ZNF442: variants seen among roughly 807,000 people sequenced by gnomAD.
ZNF442 encodes zinc finger protein 442.
A neutral mutation model predicts 57.0 loss-of-function variants in ZNF442; 45 were observed. The observed-to-expected ratio is 0.79, with a 90% CI of 0.62 to 1.01. ZNF442 has a LOEUF of 1.01. ZNF442 is among the 50% of genes least tolerant of loss of function. The probability of loss-of-function intolerance (pLI) is 0.00; values close to 1 mark genes in which losing one functional copy is unlikely to be tolerated. For synonymous variants in ZNF442, 213 were observed against 241.8 expected (o/e 0.88, Z 1.10); for missense variants, 690 against 756.5 (o/e 0.91, Z 1.03).
the ZNF442 span, chr19:12,373,647 T>C: frequency 3.3e-6 from 1 of 304,458 alleles, no homozygotes; most frequent in Non-Finnish European, 6.7e-6. Context: ...ACCAGCATGG[T>C]CTGATCCGGA....
upstream of ZNF442, among the ~76,000 whole-genome samples, chr19:12,369,001 A>C (rs1004192968): frequency 3.3e-5 from 5 of 152,236 alleles, no homozygotes; most frequent in Non-Finnish European, 7.3e-5. Flanking sequence ...CCAAGGCATT[A>C]GAATTTGAAA....
At chr19:12,359,239 CAACT>C (rs1354206551) in intron 3 of ZNF442, among the ~76,000 whole-genome samples, 12 of 152,160 alleles carry the variant, frequency 7.9e-5, no homozygotes, top group African/African-American at 2.4e-4. Context: ...CTGATTATAC[CAACT>C]GAGTGAATGC....
At position 12,364,914 on chromosome 19, in the gene ZNF442, G is replaced by A. The variant is rs967876436; in HGVS notation, c.-153C>T. The A allele has an allele frequency of 6.6e-6, 1 of 152,240 alleles. No individual in the cohort carries two copies. The highest frequency in any genetic ancestry group is 1.5e-5 in the Non-Finnish European group (1 of 68,098). The allele number at this position is 152,240 out of a possible 1,614,324, so 9.4% of individuals were successfully genotyped here. A position where few individuals can be genotyped will look rare whatever the true frequency, so the allele number is the denominator to read the frequency against. ...GATAAGATCTCGGAGAGCTGCTCGA[G>A]TTGCCCAAGTTCTTTCTCAGATCTT... On this transcript the variant is annotated 5_prime_UTR_variant, in exon 2 of 6. Transcript: ENST00000242804.
chr19:12,366,840 G>A (rs2144853289), upstream of ZNF442, among the ~76,000 whole-genome samples: 2 of 152,240 alleles, frequency 1.3e-5, no homozygotes, highest in South Asian at 4.2e-4. Context: ...TCACCATGTT[G>A]CCCAGGCTGG....
rs1032081069 is a variant in ZNF442, at chr19:12,356,636, A to AAAAAAAAAG, written c.79-3523_79-3522insCTTTTTTTT. Among the ~76,000 whole-genome samples the AAAAAAAAAG allele has an allele frequency of 8.4e-3, 1,268 of 151,688 alleles. 25 individuals are homozygous for AAAAAAAAAG. The highest frequency in any genetic ancestry group is 0.03 in the African/African-American group (1,210 of 41,008). On this transcript the variant is annotated intron_variant, in intron 3 of 5. Coordinates refer to ENST00000242804, the MANE Select transcript of ZNF442 (RefSeq NM_030824.3). Reference sequence around the variant, plus strand: ...GAGTGAAACTCCGTCTCAAAAAAAAAAGAGAGAGAGAGAAACAAGGCAAGG... The same window carrying AAAAAAAAAG: ...GAGTGAAACTCCGTCTCAAAAAAAAAAAAAAAAAGAGAGAGAGAGAGAAACAAGGCAAGG...
chr19:12,350,852 C>A lies in ZNF442; in HGVS notation c.733G>T (p.Ala245Ser), dbSNP rs1360608592. ...KPYECKQCCKAFPIYSSYLRH... is the reference protein window; with the variant it reads ...KPYECKQCCKSFPIYSSYLRH... ...AGATAGGAACTGTAAATAGGGAAGG[C>A]TTTACAACACTGCTTACATTCATAC... Residue 245 changes from alanine to serine, a missense_variant, in exon 6 of 6, where the codon GCC (alanine) becomes TCC (serine). Transcript: ENST00000242804. The A allele has an allele frequency of 6.2e-7, 1 of 1,613,906 alleles. No individual in the cohort carries two copies. The highest frequency in any genetic ancestry group is 1.3e-5 in the African/African-American group (1 of 74,886).
intron 3 of ZNF442, among the ~76,000 whole-genome samples, chr19:12,356,636 AAG>A (rs1555755540): frequency 2.6e-5 from 4 of 151,664 alleles, no homozygotes; most frequent in Non-Finnish European, 5.9e-5. Flanking sequence ...TCAAAAAAAA[AAG>A]AGAGAGAGAG....
At position 12,365,573 on chromosome 19, in the gene ZNF442, T is replaced by A. The variant is rs1969518405; in HGVS notation, c.-523A>T. 1.9e-5 allele frequency: 8 copies of A among 419,018 alleles called. 1 individual carries two copies. The East Asian group carries it at 2.2e-4, about 11-fold the overall frequency. 26.0% of individuals were successfully genotyped at this position (419,018 alleles called of 1,614,324 possible). A position where few individuals can be genotyped will look rare whatever the true frequency, so the allele number is the denominator to read the frequency against. ...GCGGTGTCCCGTGTTCTCCCCAAGG[T>A]TCCCCGCTGCCAGCATAGGACTCAG... On this transcript the variant is annotated 5_prime_UTR_variant, in exon 1 of 6. Transcript: ENST00000242804.
In ZNF442 at chr19:12,363,588, G is replaced by A. The variant is rs2144845536; in HGVS notation, c.44C>T (p.Pro15Leu). The change falls in exon 3 of 6, where the codon CCT (proline) becomes CTT (leucine). Residue 15 changes from proline to leucine, a missense_variant. By Grantham distance (98) the Pro-to-Leu change is moderately conservative. Coordinates refer to ENST00000242804, the MANE Select transcript of ZNF442 (RefSeq NM_030824.3). Reference protein sequence around the residue: ...GGEDRSDLFLPDSQTNEERKQ... With the variant: ...GGEDRSDLFLLDSQTNEERKQ... ...TCTCTCTTCATTAGTCTGAGAGTCA[G>A]GAAGGAAGAGATCACTTCTGTCTTC... 2 of 1,614,196 alleles carry A rather than the reference G, an allele frequency of 1.2e-6. No individual in the cohort carries two copies. Among genetic ancestry groups the A allele is most frequent in the Non-Finnish European group, 1.7e-6 (2 of 1,180,034 alleles).
intron 3 of ZNF442, among the ~76,000 whole-genome samples, chr19:12,353,480 A>G (rs1969277819): frequency 6.6e-6 from 1 of 152,222 alleles, no homozygotes; most frequent in Admixed American, 6.5e-5. Context: ...ATATTTACAA[A>G]TGCTGGTTAA....
intron 3 of ZNF442, 136 bp from the exon 4 acceptor site, chr19:12,353,250 G>T: frequency 2.2e-6 from 2 of 910,890 alleles, no homozygotes; most frequent in Non-Finnish European, 3.2e-6. Flanking sequence ...CTTATTCTCT[G>T]TCTACAATCA....
the ZNF442 span, among the ~76,000 whole-genome samples, chr19:12,372,109 C>T: frequency 3.3e-5 from 5 of 152,164 alleles, no homozygotes; most frequent in Admixed American, 6.6e-5. Flanking sequence ...GAAAAACAAA[C>T]ACCACCATTA....
At chr19:12,364,438 G>GAAAGAAAA (rs1969497213) in intron 2 of ZNF442, among the ~76,000 whole-genome samples, 1 of 150,036 alleles carries the variant, frequency 6.7e-6, no homozygotes, top group African/African-American at 2.5e-5. Flanking sequence ...AAGAAAAAAA[G>GAAAGAAAA]AAGCCATCCA....
Position 12,349,852 on chromosome 19 carries a change from C to T in ZNF442, c.1733G>A (p.Gly578Asp), listed in dbSNP as rs371930767. The T allele has an allele frequency of 6.8e-6, 11 of 1,613,496 alleles. No individual in the cohort carries two copies. Among genetic ancestry groups the T allele is most frequent in the African/African-American group, 2.7e-5 (2 of 74,802 alleles). The change falls in exon 6 of 6, where the codon GGT becomes GAT. Residue 578 changes from glycine (G) to aspartate (D), a missense_variant. Physicochemically the swap from Gly to Asp is moderately conservative, Grantham distance 94 (BLOSUM62 -1). Coordinates refer to ENST00000242804, the MANE Select transcript of ZNF442 (RefSeq NM_030824.3). ...GKKSYECQQC[G>D]KAFTRSRFLR... ...GAAACGAGAACGAGTGAAGGCTTTACCACATTGTTGACATTCATAAGATTT... is the reference window on the plus strand; with the variant it reads ...GAAACGAGAACGAGTGAAGGCTTTATCACATTGTTGACATTCATAAGATTT...
Position 12,346,943 on chromosome 19 carries a change from T to C in ZNF442, c.*2758A>G, listed in dbSNP as rs886917980. 4.6e-5 allele frequency: 7 copies of C among 152,152 alleles called. No individual in the cohort carries two copies. The highest frequency in any genetic ancestry group is 1.7e-4 in the African/African-American group (7 of 41,428). 9.4% of individuals were successfully genotyped at this position (152,152 alleles called of 1,614,324 possible). On this transcript the variant is annotated 3_prime_UTR_variant, in exon 6 of 6. Transcript: ENST00000242804. ...AGATTTTCAGTACTTTGGGATAGGA[T>C]GGAATAGGTAATTACATGTATGGAA...
At chr19:12,367,628 C>T (rs1969549000), upstream of ZNF442, among the ~76,000 whole-genome samples, 1 of 152,164 alleles carries the variant, frequency 6.6e-6, no homozygotes, top group African/African-American at 2.4e-5. Flanking sequence ...TAGACCTACC[C>T]CCAGGAATGC....
upstream of ZNF442, among the ~76,000 whole-genome samples, chr19:12,369,579 C>A (rs1969564813): frequency 6.7e-6 from 1 of 148,414 alleles, no homozygotes; most frequent in African/African-American, 2.5e-5. Context: ...CCAGCCTGGG[C>A]AACAAGAGCG....
At chr19:12,373,269 G>A in the ZNF442 span, among the ~76,000 whole-genome samples, 1 of 152,204 alleles carries the variant, frequency 6.6e-6, no homozygotes, top group Non-Finnish European at 1.5e-5. Context: ...GACGCAGTGA[G>A]TGGCTCACGC....
the ZNF442 span, among the ~76,000 whole-genome samples, chr19:12,371,783 T>C: frequency 6.6e-6 from 1 of 152,106 alleles, no homozygotes; most frequent in Admixed American, 6.6e-5. Flanking sequence ...TTACACCATA[T>C]ACAAAAATCA....
Sources: gnomAD v4.1 joint callset for allele counts (sites outside exome capture counted in the v4.1 genomes callset) on GRCh38, gnomAD v4.1.1 for gene constraint, MANE v1.5 for transcripts, NCBI Gene and HGNC (gene_info 2026-07-23, HGNC 2026-07-21) for gene names.